The following AMER3 variants were observed in gnomAD, a reference collection of about 807,000 sequenced individuals.
AMER3 encodes family with sequence similarity 123C.
For missense variants in AMER3, 1,201 were observed against 1,139.4 expected (o/e 1.05, Z -0.78); for synonymous variants, 541 against 485.5 (o/e 1.11, Z -1.50).
At position 130,763,048 on chromosome 2, in the gene AMER3, G is replaced by T; in HGVS notation, c.976G>T (p.Gly326Cys). The part of the protein sequence containing the change: ...SVRQQQRALL[G>C]PWLSGPQGTD... ...GCGTCAGCAGCAGCGTGCCCTCCTA[G>T]GCCCGTGGCTTTCAGGCCCCCAGGG... Residue 326 changes from glycine to cysteine, a missense_variant, in exon 2 of 2, where the codon GGC becomes TGC. Physicochemically the swap from Gly to Cys is radical, Grantham distance 159 (BLOSUM62 -3). Coordinates refer to ENST00000321420, the MANE Select transcript of AMER3 (RefSeq NM_152698.3). 6.2e-7 allele frequency: 1 copy of T among 1,613,068 alleles called. No homozygotes were observed. Among genetic ancestry groups the T allele is most frequent in the East Asian group, 2.2e-5 (1 of 44,782 alleles).
Position 130,764,354 on chromosome 2 carries a change from G to A in AMER3, c.2282G>A (p.Gly761Glu), listed in dbSNP as rs1342059376. 5.6e-6 allele frequency: 9 copies of A among 1,611,274 alleles called. No individual in the cohort carries two copies. Among genetic ancestry groups the A allele is most frequent in the Non-Finnish European group, 7.6e-6 (9 of 1,178,456 alleles). ...DLSWLRVEPT[G>E]LGVQAWASVE... The stretch of plus-strand genomic sequence containing the variant: ...AGCTGGCTCAGGGTGGAGCCCACCG[G>A]GCTAGGTGTCCAGGCCTGGGCCTCT... The change falls in exon 2 of 2, where the codon GGG becomes GAG. Residue 761 changes from glycine (G) to glutamate (E), a missense_variant. Coordinates refer to ENST00000321420, the MANE Select transcript of AMER3 (RefSeq NM_152698.3).
chr2:130,760,350 C>T (rs1206538031), intron 1 of AMER3, among the ~76,000 whole-genome samples: 1 of 152,244 alleles, frequency 6.6e-6, no homozygotes, highest in African/African-American at 2.4e-5. Context: ...ATTTTCTTGG[C>T]CTCAACGTGC....
Position 130,764,660 on chromosome 2 carries a change from A to G in AMER3, c.*2A>G. ...GCCATGGCTGAGCCCCATCTGTAGGACAGGCTCACATGCACCAGGAACTGC... is the reference window on the plus strand; with the variant it reads ...GCCATGGCTGAGCCCCATCTGTAGGGCAGGCTCACATGCACCAGGAACTGC... On this transcript the variant is annotated 3_prime_UTR_variant, in exon 2 of 2. Coordinates refer to ENST00000321420, the MANE Select transcript of AMER3 (RefSeq NM_152698.3). 6.3e-7 allele frequency: 1 copy of G among 1,597,388 alleles called. No individual in the cohort carries two copies. Among genetic ancestry groups the G allele is most frequent in the Non-Finnish European group, 8.5e-7 (1 of 1,174,154 alleles).
In AMER3 at chr2:130,764,811, T is replaced by C. The variant is rs150568452; in HGVS notation, c.*153T>C. On this transcript the variant is annotated 3_prime_UTR_variant, in exon 2 of 2. Transcript: ENST00000321420. ...AGGCATGCAGAGGGTAGCATGTTCATGTGGAGGCATCCTTGCCTGAACCCA... is the reference window on the plus strand; with the variant it reads ...AGGCATGCAGAGGGTAGCATGTTCACGTGGAGGCATCCTTGCCTGAACCCA... The C allele has an allele frequency of 1.7e-5, 17 of 1,013,104 alleles. No homozygotes were observed. The highest frequency in any genetic ancestry group is 1.6e-4 in the East Asian group (6 of 37,918). The allele number at this position is 1,013,104 out of a possible 1,614,324, so 62.8% of individuals were successfully genotyped here. A position where few individuals can be genotyped will look rare whatever the true frequency, so the allele number is the denominator to read the frequency against.
intron 1 of AMER3, among the ~76,000 whole-genome samples, chr2:130,759,617 C>A (rs956153326): frequency 6.6e-6 from 1 of 152,096 alleles, no homozygotes; most frequent in Non-Finnish European, 1.5e-5. Flanking sequence ...TGTGAGCTAC[C>A]CTTCTTGCTT....
At chr2:130,761,710 C>A (rs558366431) in intron 1 of AMER3, among the ~76,000 whole-genome samples, 62 of 152,326 alleles carry the variant, frequency 4.1e-4, no homozygotes, top group African/African-American at 1.4e-3. Flanking sequence ...GGCCATGACA[C>A]CCACTCCTAA....
chr2:130,758,400 G>A (rs998582407), intron 1 of AMER3, among the ~76,000 whole-genome samples: 4 of 139,084 alleles, frequency 2.9e-5, no homozygotes, highest in African/African-American at 8.7e-5. Flanking sequence ...GAAAGGAAAG[G>A]AAGGAAGGAA....
In AMER3 at chr2:130,763,642, C is replaced by T; in HGVS notation, c.1570C>T (p.Pro524Ser). The change falls in exon 2 of 2, where the codon CCT becomes TCT. Residue 524 changes from proline (P) to serine (S), a missense_variant. Coordinates refer to ENST00000321420, the MANE Select transcript of AMER3 (RefSeq NM_152698.3). ...RGPTPRAPPT[P>S]GQPAAPPGSQ... ...CCCCACGCCCCGTGCCCCACCCACC[C>T]CTGGGCAGCCTGCAGCTCCACCTGG... 1 of 1,532,536 alleles carries T rather than the reference C, an allele frequency of 6.5e-7. No individual in the cohort carries two copies. Among genetic ancestry groups the T allele is most frequent in the South Asian group, 1.2e-5 (1 of 80,110 alleles). 94.9% of individuals were successfully genotyped at this position (1,532,536 alleles called of 1,614,324 possible).
At chr2:130,761,617 G>T (rs1678781841) in intron 1 of AMER3, among the ~76,000 whole-genome samples, 1 of 152,230 alleles carries the variant, frequency 6.6e-6, no homozygotes, top group Non-Finnish European at 1.5e-5. Context: ...AGCCCAGGAA[G>T]CAGGCAGGTG....
chr2:130,763,342 G>T lies in AMER3; in HGVS notation c.1270G>T (p.Glu424Ter). Residue 424 changes from glutamate to a stop codon, truncating the protein, a stop_gained, in exon 2 of 2, where the codon GAG becomes TAG. Coordinates refer to ENST00000321420, the MANE Select transcript of AMER3 (RefSeq NM_152698.3). LOFTEE classifies it low-confidence loss of function (END_TRUNC). ...CAGCTACAGTGGGGACGCCCTCTAC[G>T]AGCTCTTCCACGACCCCAGCGAGGG... ...RDSYSGDALY[E>*]LFHDPSEGPL... The T allele has an allele frequency of 6.2e-7, 1 of 1,613,398 alleles. No individual in the cohort carries two copies. Among genetic ancestry groups the T allele is most frequent in the Non-Finnish European group, 8.5e-7 (1 of 1,180,010 alleles).
intron 1 of AMER3, among the ~76,000 whole-genome samples, chr2:130,761,841 G>A (rs149158369): frequency 4.6e-5 from 7 of 152,310 alleles, no homozygotes; most frequent in African/African-American, 1.7e-4. Flanking sequence ...GCACTCATGG[G>A]TGCAGCAGTC....
In AMER3 at chr2:130,764,810, A is replaced by T. The variant is rs570125982; in HGVS notation, c.*152A>T. 40 of 1,013,012 alleles carry T rather than the reference A, an allele frequency of 3.9e-5. No individual in the cohort carries two copies. In the East Asian group the frequency reaches 1.0e-3, roughly 26 times the overall value. 62.8% of individuals were successfully genotyped at this position (1,013,012 alleles called of 1,614,324 possible). Reference sequence around the variant, plus strand: ...CAGGCATGCAGAGGGTAGCATGTTCATGTGGAGGCATCCTTGCCTGAACCC... The same window carrying T: ...CAGGCATGCAGAGGGTAGCATGTTCTTGTGGAGGCATCCTTGCCTGAACCC... On this transcript the variant is annotated 3_prime_UTR_variant, in exon 2 of 2. Coordinates refer to ENST00000321420, the MANE Select transcript of AMER3 (RefSeq NM_152698.3).
Position 130,767,437 on chromosome 2 carries a change from C to T in AMER3, c.*2779C>T. 6.0e-6 allele frequency: 1 copy of T among 166,874 alleles called. No homozygotes were observed. The allele number at this position is 166,874 out of a possible 1,614,324, so 10.3% of individuals were successfully genotyped here. ...GTGCTGTCCTGGCTCGAGAAGAAGG[C>T]AGCACAGGATCTGTAGCTGAGGGTG... On this transcript the variant is annotated 3_prime_UTR_variant, in exon 2 of 2. Coordinates refer to ENST00000321420, the MANE Select transcript of AMER3 (RefSeq NM_152698.3).
Position 130,768,111 on chromosome 2 carries a change from T to C in AMER3, c.*3453T>C, listed in dbSNP as rs72855001. ...GAGTAGCCGCTCTGTAAATCCTTGTTGAAAGAATGAAGTGTCAAAAGGTTG... is the reference window on the plus strand; with the variant it reads ...GAGTAGCCGCTCTGTAAATCCTTGTCGAAAGAATGAAGTGTCAAAAGGTTG... On this transcript the variant is annotated 3_prime_UTR_variant, in exon 2 of 2. Transcript: ENST00000321420. 0.02 allele frequency: 3,303 copies of C among 167,254 alleles called. 52 individuals carry two copies. The highest frequency in any genetic ancestry group is 0.068 in the Middle Eastern group (20 of 296). 10.4% of individuals were successfully genotyped at this position (167,254 alleles called of 1,614,324 possible). A position where few individuals can be genotyped will look rare whatever the true frequency, so the allele number is the denominator to read the frequency against.
At chr2:130,758,838 C>A (rs565762347) in intron 1 of AMER3, among the ~76,000 whole-genome samples, 16 of 152,234 alleles carry the variant, frequency 1.1e-4, no homozygotes, top group Non-Finnish European at 1.9e-4. Context: ...CACAGGGTTA[C>A]AAAACAGTGT....
At chr2:130,760,270 T>C (rs1245101706) in intron 1 of AMER3, among the ~76,000 whole-genome samples, 2 of 152,162 alleles carry the variant, frequency 1.3e-5, no homozygotes, top group African/African-American at 2.4e-5. Context: ...TTCCCTTGGG[T>C]GGGAGCGGGT....
In AMER3 at chr2:130,762,600, G is replaced by A. The variant is rs776935592; in HGVS notation, c.528G>A (p.Ser176=). The A allele has an allele frequency of 5.6e-5, 90 of 1,612,840 alleles. No homozygotes were observed. Among genetic ancestry groups the A allele is most frequent in the South Asian group, 3.8e-4 (35 of 91,084 alleles). ...IRRNKTEDLA[S]LAAEGKSLPS... ...GAAACAAGACTGAGGACTTGGCCTC[G>A]CTGGCGGCCGAGGGGAAAAGCCTGC... The change falls in exon 2 of 2, where the codon TCG becomes TCA. Residue 176 remains serine (S), a synonymous_variant. Coordinates refer to ENST00000321420, the MANE Select transcript of AMER3 (RefSeq NM_152698.3).
chr2:130,764,599 C>T lies in AMER3; in HGVS notation c.2527C>T (p.Leu843Phe), dbSNP rs1260581607. Residue 843 changes from leucine (L) to phenylalanine (F), a missense_variant, in exon 2 of 2, where the codon CTC (leucine) becomes TTC (phenylalanine). Transcript: ENST00000321420. ...RCSLLAREGL[L>F]CGQPEVGASG... is the part of the protein sequence containing the mutation. The stretch of plus-strand genomic sequence containing the variant: ...CAGCCTCCTGGCCCGTGAGGGCCTC[C>T]TCTGTGGCCAGCCAGAAGTGGGGGC... The T allele has an allele frequency of 2.5e-6, 4 of 1,607,116 alleles. No individual in the cohort carries two copies. Among genetic ancestry groups the T allele is most frequent in the Non-Finnish European group, 3.4e-6 (4 of 1,177,992 alleles).
rs947465070 is a variant in AMER3, at chr2:130,755,612, C to T, written c.-82C>T. The T allele has an allele frequency of 1.3e-5, 2 of 152,932 alleles. No homozygotes were observed. Among genetic ancestry groups the T allele is most frequent in the African/African-American group, 4.8e-5 (2 of 41,472 alleles). 9.5% of individuals were successfully genotyped at this position (152,932 alleles called of 1,614,324 possible). A position where few individuals can be genotyped will look rare whatever the true frequency, so the allele number is the denominator to read the frequency against. ...CCTCAGTTCTGCGGAGACAGAGTCC[C>T]CACAGCATTTCTGCTCCTCCCTCAA... On this transcript the variant is annotated 5_prime_UTR_variant, in exon 1 of 2. Coordinates refer to ENST00000321420, the MANE Select transcript of AMER3 (RefSeq NM_152698.3).
Sources: allele counts gnomAD v4.1 joint callset (sites outside exome capture counted in the v4.1 genomes callset), GRCh38; gene constraint gnomAD v4.1.1; transcripts MANE v1.5; gene names NCBI Gene and HGNC (gene_info 2026-07-23, HGNC 2026-07-21).